DPF3: variants seen among roughly 807,000 people sequenced by gnomAD.
DPF3 encodes the protein zinc finger protein DPF3.
A neutral mutation model predicts 56.8 loss-of-function variants in DPF3; 18 were observed. The ratio of observed to expected loss-of-function variants is 0.32; its 90% CI spans 0.22 to 0.47. The LOEUF is 0.47. Ranked by LOEUF, DPF3 falls within the 20% of genes least tolerant of loss-of-function variation. The pLI, the probability that DPF3 is intolerant of heterozygous loss-of-function variation, is 1.00. For synonymous variants in DPF3, 188 were observed against 180.2 expected (o/e 1.04, Z -0.35); for missense variants, 403 against 488.8 (o/e 0.82, Z 1.65).
chr14:72,805,471 CAA>C (rs1156474359), intron 1 of DPF3, among the ~76,000 whole-genome samples: 4 of 135,954 alleles, frequency 2.9e-5, no homozygotes, highest in African/African-American at 8.0e-5. Flanking sequence ...ACTCTACCTC[CAA>C]AAAAAAAAAA....
At chr14:72,792,337 C>A (rs1050540300) in intron 1 of DPF3, among the ~76,000 whole-genome samples, 3 of 152,108 alleles carry the variant, frequency 2.0e-5, no homozygotes, top group Admixed American at 6.5e-5. Flanking sequence ...TTTCTGCAGC[C>A]AAAAGGCACA....
intron 1 of DPF3, among the ~76,000 whole-genome samples, chr14:72,881,043 A>C (rs1886302521): frequency 6.6e-6 from 1 of 152,178 alleles, no homozygotes; most frequent in African/African-American, 2.4e-5. Flanking sequence ...TGCCACCCAC[A>C]CCTAAAGACG....
In DPF3 at chr14:72,669,909, G is replaced by A. The variant is rs79350196; in HGVS notation, c.871+4331C>T. Reference sequence around the variant, plus strand: ...AAAAAGAAAACTAAAAAATAGATATGATGGTTTTGCCCACATTGCAAGACA... The same window carrying A: ...AAAAAGAAAACTAAAAAATAGATATAATGGTTTTGCCCACATTGCAAGACA... On this transcript the variant is annotated intron_variant, in intron 8 of 10. Coordinates refer to ENST00000556509, the MANE Select transcript of DPF3 (RefSeq NM_001280542.3). 1,731 of 985,942 alleles carry A rather than the reference G, an allele frequency of 1.8e-3. 31 individuals carry two copies. In the African/African-American group the frequency reaches 0.029, roughly 16 times the overall value. 61.1% of individuals were successfully genotyped at this position (985,942 alleles called of 1,614,324 possible). A position where few individuals can be genotyped will look rare whatever the true frequency, so the allele number is the denominator to read the frequency against.
intron 1 of DPF3, among the ~76,000 whole-genome samples, chr14:72,860,107 C>A (rs544413477): frequency 1.3e-5 from 2 of 152,178 alleles, no homozygotes; most frequent in African/African-American, 4.8e-5. Context: ...AGCTTAGCTG[C>A]GATGTTGACC....
chr14:72,716,180 G>A (rs886802374), intron 5 of DPF3, among the ~76,000 whole-genome samples: 21 of 152,038 alleles, frequency 1.4e-4, no homozygotes, highest in African/African-American at 5.1e-4. Flanking sequence ...GAGGAGTCGA[G>A]CAGAACTGGA....
At chr14:72,671,149 T>A (rs752420610) in intron 8 of DPF3, 5 of 1,613,760 alleles carry the variant, frequency 3.1e-6, no homozygotes, top group Admixed American at 1.7e-5. Flanking sequence ...GCAACTGCCC[T>A]TTTTATCTGC....
At chr14:72,775,423 C>T (rs757694001) in intron 1 of DPF3, among the ~76,000 whole-genome samples, 40 of 152,170 alleles carry the variant, frequency 2.6e-4, no homozygotes, top group African/African-American at 8.2e-4. Flanking sequence ...ACTGAACTTG[C>T]TAAAAATGCA....
At position 72,809,856 on chromosome 14, in the gene DPF3, C is replaced by T. The variant is rs1205465238; in HGVS notation, c.33-37963G>A. Among the ~76,000 whole-genome samples the T allele has an allele frequency of 2.0e-5, 3 of 152,340 alleles. No individual in the cohort carries two copies. The South Asian group carries it at 6.2e-4, about 32-fold the overall frequency. Reference sequence around the variant, plus strand: ...AGGGTGGAACTAGAGGTTCTAGAAGCAAGTGCTTGAGTCCCCTCACTAGCT... The same window carrying T: ...AGGGTGGAACTAGAGGTTCTAGAAGTAAGTGCTTGAGTCCCCTCACTAGCT... On this transcript the variant is annotated intron_variant, in intron 1 of 10. Coordinates refer to ENST00000556509, the MANE Select transcript of DPF3 (RefSeq NM_001280542.3).
chr14:72,891,947 G>A (rs1324695313), intron 1 of DPF3, among the ~76,000 whole-genome samples: 1 of 152,130 alleles, frequency 6.6e-6, no homozygotes, highest in Non-Finnish European at 1.5e-5. Flanking sequence ...CCAGAATTCC[G>A]CCACCTTCTT....
intron 1 of DPF3, among the ~76,000 whole-genome samples, chr14:72,857,279 A>G (rs145332836): frequency 1.3e-5 from 2 of 152,336 alleles, no homozygotes; most frequent in African/African-American, 4.8e-5. Flanking sequence ...TGACTGAGGA[A>G]AAATGATTTT....
chr14:72,877,845 GT>G (rs1269510757), intron 1 of DPF3, among the ~76,000 whole-genome samples: 2 of 152,154 alleles, frequency 1.3e-5, no homozygotes, highest in Non-Finnish European at 2.9e-5. Flanking sequence ...AGAGACATGT[GT>G]AATTAGATAA....
At chr14:72,887,372 C>A (rs137952788) in intron 1 of DPF3, among the ~76,000 whole-genome samples, 4 of 152,202 alleles carry the variant, frequency 2.6e-5, no homozygotes, top group Non-Finnish European at 5.9e-5. Flanking sequence ...AGAGGAAAAG[C>A]CCACATTCTA....
At chr14:72,707,211 T>G (rs1317555044) in intron 6 of DPF3, among the ~76,000 whole-genome samples, 2 of 152,232 alleles carry the variant, frequency 1.3e-5, no homozygotes, top group Non-Finnish European at 2.9e-5. Flanking sequence ...CACATTTTCT[T>G]AATCCAGTCT....
intron 1 of DPF3, among the ~76,000 whole-genome samples, chr14:72,884,123 ACCC>A (rs1473112342): frequency 6.6e-6 from 1 of 152,002 alleles, no homozygotes; most frequent in Non-Finnish European, 1.5e-5. Flanking sequence ...CCAGAAGAGC[ACCC>A]CACTCTACCA....
At chr14:72,844,243 C>T (rs553606077) in intron 1 of DPF3, among the ~76,000 whole-genome samples, 9 of 152,300 alleles carry the variant, frequency 5.9e-5, no homozygotes, top group African/African-American at 2.2e-4. Context: ...TGCCTCCACA[C>T]ATCTGGACAT....
chr14:72,891,544 T>C (rs1481318144), intron 1 of DPF3, among the ~76,000 whole-genome samples: 2 of 152,180 alleles, frequency 1.3e-5, no homozygotes, highest in Admixed American at 1.3e-4. Flanking sequence ...GTGTGTATTG[T>C]TTCCTGATCA....
At chr14:72,621,048 G>A (rs1050750363) in intron 9 of DPF3, among the ~76,000 whole-genome samples, 2 of 151,806 alleles carry the variant, frequency 1.3e-5, no homozygotes, top group African/African-American at 4.8e-5. Context: ...GGCTGAGGCA[G>A]GAGAATCTCT....
At chr14:72,852,936 T>A (rs969441866) in intron 1 of DPF3, among the ~76,000 whole-genome samples, 3 of 151,936 alleles carry the variant, frequency 2.0e-5, no homozygotes, top group Admixed American at 6.6e-5. Flanking sequence ...TGAATGGGAG[T>A]TCTCTCAATT....
intron 6 of DPF3, among the ~76,000 whole-genome samples, chr14:72,707,766 T>C (rs1888469556): frequency 6.6e-6 from 1 of 151,800 alleles, no homozygotes; most frequent in Non-Finnish European, 1.5e-5. Flanking sequence ...AGCAAAAAAT[T>C]ATCTCCAAGG....
Sources: allele counts gnomAD v4.1 joint callset (sites outside exome capture counted in the v4.1 genomes callset), GRCh38; gene constraint gnomAD v4.1.1; transcripts MANE v1.5; gene names NCBI Gene and HGNC (gene_info 2026-07-23, HGNC 2026-07-21).